DYNC1I1: variants seen among roughly 807,000 people sequenced by gnomAD.
DYNC1I1 encodes the protein dynein cytoplasmic 1 intermediate chain 1, also known as cytoplasmic dynein 1 intermediate chain 1.
In DYNC1I1, 43 loss-of-function variants were observed where a neutral mutation model predicts 86.6. The ratio of observed to expected loss-of-function variants is 0.50; its 90% confidence interval spans 0.39 to 0.64. The LOEUF is 0.64. Among genes scored for constraint, DYNC1I1 ranks in the 30% least tolerant of loss-of-function variants. DYNC1I1 has a pLI of 0.00. For synonymous variants in DYNC1I1, 262 were observed against 283.7 expected (o/e 0.92, Z 0.77); for missense variants, 604 against 788.8 (o/e 0.77, Z 2.81).
chr7:95,960,086 A>C (rs986464885), intron 6 of DYNC1I1, among the ~76,000 whole-genome samples: 4 of 152,094 alleles, frequency 2.6e-5, no homozygotes, highest in Non-Finnish European at 5.9e-5. Context: ...TTTTTTGTGA[A>C]ATGAGAAAAT....
At chr7:95,964,547 G>A (rs960893999) in intron 6 of DYNC1I1, among the ~76,000 whole-genome samples, 1 of 152,164 alleles carries the variant, frequency 6.6e-6, no homozygotes, top group Non-Finnish European at 1.5e-5. Context: ...TAGGCATATG[G>A]CAAAGAAGAG....
intron 10 of DYNC1I1, 76 bp from the exon 11 acceptor site, chr7:96,028,099 C>G: frequency 6.5e-7 from 1 of 1,547,640 alleles, no homozygotes; most frequent in Admixed American, 1.8e-5. Context: ...ATGTGATGAA[C>G]TGTTTTCAGG....
At chr7:95,817,228 A>G (rs1794966700) in intron 4 of DYNC1I1, among the ~76,000 whole-genome samples, 1 of 152,044 alleles carries the variant, frequency 6.6e-6, no homozygotes, top group South Asian at 2.1e-4. Flanking sequence ...AAAAAAAAAA[A>G]AAGTTTGTAG....
At chr7:95,786,281 A>G (rs1007211842) in intron 1 of DYNC1I1, among the ~76,000 whole-genome samples, 5 of 152,082 alleles carry the variant, frequency 3.3e-5, no homozygotes, top group Admixed American at 1.3e-4. Flanking sequence ...TTCCCCAAAC[A>G]TCGGCCACTT....
chr7:95,812,828 C>A (rs180673423), intron 3 of DYNC1I1, among the ~76,000 whole-genome samples: 78 of 152,192 alleles, frequency 5.1e-4, no homozygotes, highest in Admixed American at 2.0e-3. Flanking sequence ...TATTTAATAA[C>A]CTTTTAAAGT....
intron 14 of DYNC1I1, among the ~76,000 whole-genome samples, chr7:96,043,208 A>T (rs1360753611): frequency 6.6e-6 from 1 of 151,912 alleles, no homozygotes; most frequent in Non-Finnish European, 1.5e-5. Flanking sequence ...AAGAAATGAC[A>T]GAATTTGAAA....
rs1562980117 is a variant in DYNC1I1, at chr7:96,035,670, A to G, written c.1282A>G (p.Met428Val). The change falls in exon 13 of 17, where the codon ATG (methionine) becomes GTG (valine). Residue 428 changes from methionine (M) to valine (V), a missense_variant. Physicochemically the swap from Met to Val is conservative, Grantham distance 21 (BLOSUM62 1). Coordinates refer to ENST00000447467, the MANE Select transcript of DYNC1I1 (RefSeq NM_001135556.2). ...GTCCAAGCCTGTCGCTGTTACCGGA[A>G]TGGCTTTCCCAACGGGAGACGTCAA... The part of the protein sequence containing the change: ...NKSKPVAVTG[M>V]AFPTGDVNNF... 1 of 1,611,794 alleles carries G rather than the reference A, an allele frequency of 6.2e-7. No individual in the cohort carries two copies. The highest frequency in any genetic ancestry group is 8.5e-7 in the Non-Finnish European group (1 of 1,178,932).
intron 6 of DYNC1I1, among the ~76,000 whole-genome samples, chr7:95,929,257 G>A (rs319313): frequency 7.9e-5 from 12 of 151,966 alleles, no homozygotes; most frequent in Admixed American, 7.9e-4. Flanking sequence ...GTCCTCAAAG[G>A]CTGGCTGAGT....
In DYNC1I1 at chr7:95,828,027, T is replaced by C. The variant is rs1795240841; in HGVS notation, c.315-30T>C. On this transcript the variant is annotated intron_variant, in intron 4 of 16. Coordinates refer to ENST00000447467, the MANE Select transcript of DYNC1I1 (RefSeq NM_001135556.2). Reference sequence around the variant, plus strand: ...GCCCTCCCCTTTTGTTAATTCTCTGTGTTCTTTTTCCTTTGTGCTGCACAA... The same window carrying C: ...GCCCTCCCCTTTTGTTAATTCTCTGCGTTCTTTTTCCTTTGTGCTGCACAA... 10 of 1,612,900 alleles carry C rather than the reference T, an allele frequency of 6.2e-6. No homozygotes were observed. In the East Asian group the frequency reaches 2.2e-4, roughly 36 times the overall value.
At chr7:95,856,477 T>C (rs1287332303) in intron 5 of DYNC1I1, among the ~76,000 whole-genome samples, 1 of 152,252 alleles carries the variant, frequency 6.6e-6, no homozygotes, top group East Asian at 1.9e-4. Context: ...TTCCTTTCTA[T>C]TAATGAAAAC....
At chr7:96,024,567 A>G (rs319290) in intron 10 of DYNC1I1, among the ~76,000 whole-genome samples, 147,750 of 152,286 alleles carry the variant, frequency 0.97, 71,702 homozygotes, top group East Asian at 1. Flanking sequence ...AGTTAATTTC[A>G]TTTGTCTGCA....
chr7:95,818,611 G>A, intron 4 of DYNC1I1: 1 of 584,928 alleles, frequency 1.7e-6, no homozygotes, highest in Non-Finnish European at 3.1e-6. Context: ...CTCCCAAAGT[G>A]CTGAGATTAC....
intron 10 of DYNC1I1, among the ~76,000 whole-genome samples, chr7:96,012,682 G>A (rs1794304776): frequency 6.6e-6 from 1 of 152,008 alleles, no homozygotes; most frequent in Admixed American, 6.6e-5. Context: ...TGGGCTGTGG[G>A]AATCAGCTGA....
chr7:95,822,972 G>T (rs1795112692), intron 4 of DYNC1I1, among the ~76,000 whole-genome samples: 1 of 152,182 alleles, frequency 6.6e-6, no homozygotes, highest in South Asian at 2.1e-4. Context: ...AGGGGAAGCT[G>T]TCGTAGTTAA....
intron 6 of DYNC1I1, among the ~76,000 whole-genome samples, chr7:95,960,006 G>C (rs1792822896): frequency 6.6e-6 from 1 of 152,200 alleles, no homozygotes; most frequent in Admixed American, 6.5e-5. Context: ...GCAGTGTAAG[G>C]ATAAAAAACT....
At position 96,050,054 on chromosome 7, in the gene DYNC1I1, A is replaced by T. The variant is rs375303180; in HGVS notation, c.1509+10633A>T. On this transcript the variant is annotated intron_variant, in intron 14 of 16. Coordinates refer to ENST00000447467, the MANE Select transcript of DYNC1I1 (RefSeq NM_001135556.2). ...ACAAACAAACAAAAAAAAAAACAGT[A>T]TAGCTCAAAAAGATAACCAGAAAAG... is the stretch of plus-strand genomic sequence containing the variant. 3.2e-4 allele frequency among the ~76,000 whole-genome samples: 49 copies of T among 151,564 alleles called. No homozygotes were observed. In the East Asian group the frequency reaches 3.3e-3, roughly 10 times the overall value.
chr7:96,055,913 G>A (rs1157943062), intron 14 of DYNC1I1: 1 of 152,076 alleles, frequency 6.6e-6, no homozygotes, highest in Admixed American at 6.6e-5. Flanking sequence ...CTGTCCCCTG[G>A]TTCATTGACT....
intron 16 of DYNC1I1, among the ~76,000 whole-genome samples, chr7:96,104,430 C>A (rs1482786318): frequency 6.6e-6 from 1 of 151,968 alleles, no homozygotes; most frequent in African/African-American, 2.4e-5. Flanking sequence ...ATCATACTTT[C>A]TAGTAAATCT....
intron 6 of DYNC1I1, among the ~76,000 whole-genome samples, chr7:95,937,776 A>G (rs1792087431): frequency 6.6e-6 from 1 of 152,072 alleles, no homozygotes; most frequent in Non-Finnish European, 1.5e-5. Context: ...TTTTCCTATT[A>G]CAATGACAAT....
Sources: gnomAD v4.1 joint callset for allele counts (sites outside exome capture counted in the v4.1 genomes callset) on GRCh38, gnomAD v4.1.1 for gene constraint, MANE v1.5 for transcripts, NCBI Gene and HGNC (gene_info 2026-07-23, HGNC 2026-07-21) for gene names.